Variants in PCNX1 observed in about 807,000 individuals in gnomAD.
PCNX1 encodes pecanex-like protein 1.
In PCNX1, 78 loss-of-function variants were observed where a neutral mutation model predicts 242.2. That is an observed-to-expected ratio of 0.32 (90% CI 0.27 to 0.39). The LOEUF is 0.39. PCNX1 is among the 10% of genes least tolerant of loss of function. The pLI, the probability that PCNX1 is intolerant of heterozygous loss-of-function variation, is 1.00. For missense variants in PCNX1, 2,581 were observed against 2,856.5 expected (o/e 0.90, Z 2.20); for synonymous variants, 1,024 against 1,032.9 (o/e 0.99, Z 0.17).
At chr14:71,069,011 A>G (rs2061525856) in intron 26 of PCNX1, among the ~76,000 whole-genome samples, 1 of 152,078 alleles carries the variant, frequency 6.6e-6, no homozygotes, top group African/African-American at 2.4e-5. Context: ...GATTTAATGG[A>G]CTTAACAGTT....
Position 71,026,831 on chromosome 14 carries a change from T to C in PCNX1, c.3415T>C (p.Phe1139Leu). The C allele has an allele frequency of 2.5e-6, 4 of 1,585,344 alleles. No homozygotes were observed. Among genetic ancestry groups the C allele is most frequent in the Non-Finnish European group, 3.5e-6 (4 of 1,154,866 alleles). The change falls in exon 15 of 36, where the codon TTT becomes CTT. Residue 1139 changes from phenylalanine to leucine, a missense_variant. By Grantham distance (22) the Phe-to-Leu change is conservative. Coordinates refer to ENST00000304743, the MANE Select transcript of PCNX1 (RefSeq NM_014982.3). The stretch of plus-strand genomic sequence containing the variant: ...TGGTCTCCTGCCTCAGGTGAATACA[T>C]TTGTAATGTACCTTTGTGAACAATT... ...FIGLLPQVNT[F>L]VMYLCEQLDI...
Position 71,045,133 on chromosome 14 carries a change from C to T in PCNX1, c.3868C>T (p.Pro1290Ser). ...HVSTVFTVLQ[P>S]ALKYVLYTLV... is the part of the protein sequence containing the mutation. The stretch of plus-strand genomic sequence containing the variant: ...TTATCACTTCTATTATTTTTTTTAG[C>T]CTGCCCTCAAGTATGTGTTGTATAC... Residue 1290 changes from proline to serine, a missense_variant and splice_region_variant, in exon 20 of 36, where the codon CCT becomes TCT. By Grantham distance (74) the Pro-to-Ser change is moderately conservative (BLOSUM62 -1). This residue lies in a region of PCNX1 where 432 missense variants were observed against 443.1 expected (regional missense o/e 0.97). Coordinates refer to ENST00000304743, the MANE Select transcript of PCNX1 (RefSeq NM_014982.3). 2 of 1,572,260 alleles carry T rather than the reference C, an allele frequency of 1.3e-6. No homozygotes were observed. Among genetic ancestry groups the T allele is most frequent in the South Asian group, 1.2e-5 (1 of 84,764 alleles).
At chr14:70,957,129 G>C (rs1021551759) in intron 2 of PCNX1, among the ~76,000 whole-genome samples, 1 of 152,090 alleles carries the variant, frequency 6.6e-6, no homozygotes, top group Non-Finnish European at 1.5e-5. Flanking sequence ...TTGAGTTGCT[G>C]GGAGTACAGG....
chr14:71,087,194 A>G (rs971756505), intron 28 of PCNX1, among the ~76,000 whole-genome samples: 4 of 152,108 alleles, frequency 2.6e-5, no homozygotes, highest in Non-Finnish European at 5.9e-5. Context: ...TCTTTAAACT[A>G]GTGCTCTCAT....
intron 1 of PCNX1, among the ~76,000 whole-genome samples, chr14:70,923,097 GAC>G (rs199795428): frequency 1.9e-4 from 17 of 90,946 alleles, no homozygotes; most frequent in African/African-American, 6.4e-4. Context: ...ATGCCTAGTA[GAC>G]ACACACACGT....
intron 17 of PCNX1, 61 bp downstream of exon 17, chr14:71,033,599 A>T (rs2060451529): frequency 2.2e-6 from 2 of 897,440 alleles, no homozygotes; most frequent in Admixed American, 3.9e-5. Flanking sequence ...GTTTTTTTCA[A>T]ATACCTTTGA....
At chr14:71,030,420 G>A (rs2060351003) in intron 16 of PCNX1, among the ~76,000 whole-genome samples, 1 of 151,994 alleles carries the variant, frequency 6.6e-6, no homozygotes, top group Non-Finnish European at 1.5e-5. Flanking sequence ...CCTAGATTAG[G>A]TTAAACCATC....
rs752170607 is a variant in PCNX1, at chr14:70,977,891, T to C, written c.1554T>C (p.Ser518=). Residue 518 remains serine, a synonymous_variant, in exon 6 of 36, where the codon AGT becomes AGC. Coordinates refer to ENST00000304743, the MANE Select transcript of PCNX1 (RefSeq NM_014982.3). ...CTGCAGAAAACAAAGAAGAGAAGAG[T>C]GATAAGTCAGCTGTTTCTGTGGATT... ...GNTAENKEEK[S]DKSAVSVDSK... 6.2e-7 allele frequency: 1 copy of C among 1,613,218 alleles called. No individual in the cohort carries two copies. Among genetic ancestry groups the C allele is most frequent in the East Asian group, 2.2e-5 (1 of 44,848 alleles).
At chr14:71,084,328 C>T (rs1214930847) in intron 28 of PCNX1, among the ~76,000 whole-genome samples, 1 of 152,212 alleles carries the variant, frequency 6.6e-6, no homozygotes, top group African/African-American at 2.4e-5. Context: ...GCACAGGGGT[C>T]AGGGACCCAC....
intron 18 of PCNX1, among the ~76,000 whole-genome samples, chr14:71,035,787 C>CA (rs1330884239): frequency 6.6e-6 from 1 of 152,160 alleles, no homozygotes; most frequent in Non-Finnish European, 1.5e-5. Flanking sequence ...GGTGTGGTGG[C>CA]ACGACCAGCT....
In PCNX1 at chr14:71,026,154, A is replaced by T; in HGVS notation, c.3221A>T (p.Tyr1074Phe). Residue 1074 changes from tyrosine (Y) to phenylalanine (F), a missense_variant, in exon 14 of 36, where the codon TAT becomes TTT. Physicochemically the swap from Tyr to Phe is conservative, Grantham distance 22. Coordinates refer to ENST00000304743, the MANE Select transcript of PCNX1 (RefSeq NM_014982.3). ...NRIIAYSRPV[Y>F]FCICCGLIWL... ...ATCATTGCCTACAGTAGACCAGTTTATTTCTGCATATGTTGCGGTCTTATT... is the reference window on the plus strand; with the variant it reads ...ATCATTGCCTACAGTAGACCAGTTTTTTTCTGCATATGTTGCGGTCTTATT... 1 of 1,609,890 alleles carries T rather than the reference A, an allele frequency of 6.2e-7. No individual in the cohort carries two copies. The highest frequency in any genetic ancestry group is 8.5e-7 in the Non-Finnish European group (1 of 1,177,508).
intron 8 of PCNX1, among the ~76,000 whole-genome samples, chr14:71,007,926 G>A (rs995176277): frequency 6.6e-5 from 10 of 152,052 alleles, no homozygotes; most frequent in Non-Finnish European, 1.5e-4. Context: ...TCTATTAGAG[G>A]TGCTAAGGAT....
At chr14:71,048,646 A>G (rs1428972600) in intron 22 of PCNX1, among the ~76,000 whole-genome samples, 10 of 152,332 alleles carry the variant, frequency 6.6e-5, no homozygotes, top group Middle Eastern at 3.4e-3. Context: ...TTTGACATAC[A>G]TTATCCCATT....
intron 1 of PCNX1, among the ~76,000 whole-genome samples, chr14:70,939,727 T>TGG (rs1443769142): frequency 2.6e-5 from 4 of 152,142 alleles, no homozygotes; most frequent in Non-Finnish European, 5.9e-5. Flanking sequence ...ATGTTGACAG[T>TGG]GGGGTGTTAA....
At chr14:71,085,958 A>G in intron 28 of PCNX1, 1 of 156,144 alleles carries the variant, frequency 6.4e-6, no homozygotes, top group Non-Finnish European at 1.4e-5. Context: ...TATTTGTATT[A>G]GGCTGCTTGA....
chr14:70,996,234 C>CT, intron 8 of PCNX1, among the ~76,000 whole-genome samples: 2 of 151,760 alleles, frequency 1.3e-5, no homozygotes, highest in Non-Finnish European at 2.9e-5. Flanking sequence ...AAAACGTTGA[C>CT]TTTTTTAAAA....
chr14:71,019,987 G>T (rs1399845703), intron 12 of PCNX1, among the ~76,000 whole-genome samples: 3 of 149,896 alleles, frequency 2.0e-5, no homozygotes, highest in African/African-American at 7.4e-5. Context: ...TTGTGTCCAT[G>T]TGTTCTCATT....
At chr14:71,078,480 T>C (rs2061771604) in intron 28 of PCNX1, among the ~76,000 whole-genome samples, 1 of 152,258 alleles carries the variant, frequency 6.6e-6, no homozygotes, top group African/African-American at 2.4e-5. Flanking sequence ...TCATCTCAGC[T>C]TCTTTCTCCT....
chr14:70,953,664 CTTTTTTTTT>C (rs33967128), intron 2 of PCNX1, among the ~76,000 whole-genome samples: 2 of 114,940 alleles, frequency 1.7e-5, no homozygotes, highest in African/African-American at 3.4e-5. Flanking sequence ...TTTTTTCTTT[CTTTTTTTTT>C]TTTTTTTTTT....
Sources: gnomAD v4.1 joint callset for allele counts (sites outside exome capture counted in the v4.1 genomes callset) on GRCh38, gnomAD v4.1.1 for gene constraint, gnomAD v4.1.1 regional missense constraint, MANE v1.5 for transcripts, NCBI Gene and HGNC (gene_info 2026-07-23, HGNC 2026-07-21) for gene names.